Variants in MINAR1 observed in about 807,000 individuals in gnomAD.
The protein encoded by MINAR1 is membrane integral NOTCH2 associated receptor 1, also known as major intrinsically disordered Notch2-binding receptor 1.
A neutral mutation model predicts 65.1 loss-of-function variants in MINAR1; 40 were observed. The ratio of observed to expected loss-of-function variants is 0.61; its 90% CI spans 0.48 to 0.80. The LOEUF (loss-of-function observed/expected upper bound fraction) is 0.80. MINAR1 is among the 30% of genes least tolerant of loss of function. The pLI, the probability that MINAR1 is intolerant of heterozygous loss-of-function variation, is 0.00. For missense variants in MINAR1, 1,128 were observed against 1,148.0 expected, an observed-to-expected ratio of 0.98 and a Z score of 0.25; for synonymous variants, 482 against 449.1, an observed-to-expected ratio of 1.07 and a Z score of -0.93.
chr15:79,427,841 G>A (rs141791443), upstream of MINAR1, among the ~76,000 whole-genome samples: 79 of 152,282 alleles, frequency 5.2e-4, no homozygotes, highest in African/African-American at 1.8e-3. Context: ...GTGCTGTCCT[G>A]GCAGGTGACA....
In MINAR1 at chr15:79,468,294, C is replaced by G; in HGVS notation, c.2661C>G (p.Ala887=). 6.2e-7 allele frequency: 1 copy of G among 1,614,124 alleles called. No homozygotes were observed. The highest frequency in any genetic ancestry group is 1.1e-5 in the South Asian group (1 of 91,054). Residue 887 remains alanine (A), a synonymous_variant, in exon 4 of 4, where the codon GCC becomes GCG. Coordinates refer to ENST00000305428, the MANE Select transcript of MINAR1 (RefSeq NM_015206.3). ...GTAAAGAAGCCGAATTCAGACGAGC[C>G]AAGGTCTGCAAGATAGCTGCTCTGA... ...LKRKEAEFRR[A]KVCKIAALIA...
chr15:79,431,366 G>A (rs1894431367), upstream of MINAR1, among the ~76,000 whole-genome samples: 1 of 152,154 alleles, frequency 6.6e-6, no homozygotes, highest in Non-Finnish European at 1.5e-5. Context: ...GCCACCAGAG[G>A]CAGCTGCTGT....
intron 1 of MINAR1, among the ~76,000 whole-genome samples, chr15:79,444,490 AT>A (rs950248952): frequency 2.0e-5 from 3 of 151,764 alleles, no homozygotes; most frequent in Non-Finnish European, 4.4e-5. Flanking sequence ...TACTATACTG[AT>A]TTTTTTCCCA....
intron 1 of MINAR1, among the ~76,000 whole-genome samples, chr15:79,443,163 C>A (rs868142047): frequency 6.6e-6 from 1 of 152,210 alleles, no homozygotes; most frequent in East Asian, 1.9e-4. Context: ...ACAGAGGGAA[C>A]AAACGGGCTG....
intron 2 of MINAR1, among the ~76,000 whole-genome samples, chr15:79,462,274 A>G (rs1338395098): frequency 6.6e-6 from 1 of 152,162 alleles, no homozygotes; most frequent in Non-Finnish European, 1.5e-5. Flanking sequence ...CAAAGGCGCA[A>G]ATGCTGGCTG....
upstream of MINAR1, among the ~76,000 whole-genome samples, chr15:79,432,278 C>T (rs1469698542): frequency 6.6e-6 from 1 of 152,160 alleles, no homozygotes; most frequent in Non-Finnish European, 1.5e-5. Context: ...CGCGCTGGCC[C>T]TGGCCGGGAC....
chr15:79,448,223 A>G (rs998755647), intron 1 of MINAR1, among the ~76,000 whole-genome samples: 1 of 152,118 alleles, frequency 6.6e-6, no homozygotes, highest in Non-Finnish European at 1.5e-5. Context: ...CTTCATAATC[A>G]CTTGACTTCT....
chr15:79,457,008 A>G lies in MINAR1; in HGVS notation c.861A>G (p.Glu287=). 1 of 1,613,950 alleles carries G rather than the reference A, an allele frequency of 6.2e-7. No individual in the cohort carries two copies. Among genetic ancestry groups the G allele is most frequent in the Middle Eastern group, 1.6e-4 (1 of 6,062 alleles). The change falls in exon 2 of 4, where the codon GAA becomes GAG. Residue 287 remains glutamate (E), a synonymous_variant. Transcript: ENST00000305428. ...GCAAAGCAGAGAATGAGCACAGGGA[A>G]CCCCAGAGTCGAAAGGAACCCCACA... ...PISKAENEHR[E]PQSRKEPHKP...
intron 1 of MINAR1, among the ~76,000 whole-genome samples, chr15:79,439,695 C>A (rs1894814742): frequency 1.3e-5 from 2 of 151,806 alleles, no homozygotes; most frequent in African/African-American, 4.8e-5. Context: ...GTTGCCCCTG[C>A]AGGCATGGCC....
intron 1 of MINAR1, among the ~76,000 whole-genome samples, chr15:79,434,246 T>A (rs996373173): frequency 6.6e-6 from 1 of 152,238 alleles, no homozygotes; most frequent in African/African-American, 2.4e-5. Context: ...GTTTTGTTGT[T>A]GGTGTTATGT....
Position 79,457,254 on chromosome 15 carries a change from G to A in MINAR1, c.1107G>A (p.Trp369Ter). 2 of 1,614,174 alleles carry A rather than the reference G, an allele frequency of 1.2e-6. No homozygotes were observed. Among genetic ancestry groups the A allele is most frequent in the Non-Finnish European group, 8.5e-7 (1 of 1,180,042 alleles). The change falls in exon 2 of 4, where the codon TGG (tryptophan) becomes TGA (stop). Residue 369 changes from tryptophan (W) to a stop codon, truncating the protein, a stop_gained. Transcript: ENST00000305428. LOFTEE classifies it high-confidence loss of function. Reference protein sequence around the residue: ...NKQTPWPAKSWSLNTEEVPDF... With the variant: ...NKQTPWPAKS The stretch of plus-strand genomic sequence containing the variant: ...AGACTCCCTGGCCAGCCAAAAGCTG[G>A]AGCCTAAACACAGAGGAAGTTCCTG...
chr15:79,458,610 A>G (rs1179959993), intron 2 of MINAR1, among the ~76,000 whole-genome samples, 165 bp downstream of exon 2: 3 of 152,234 alleles, frequency 2.0e-5, no homozygotes, highest in East Asian at 1.9e-4. Context: ...AGAGGACAAC[A>G]TAGGCAGGTC....
rs3833675 is a variant in MINAR1, at chr15:79,472,023, AGT to A, written c.*3643_*3644del. On this transcript the variant is annotated 3_prime_UTR_variant, in exon 4 of 4. Transcript: ENST00000305428. ...CTTATTTATGCCTTATGAATAAAAG[AGT>A]GTGGAATGTAAGGTGAAATTTTATG... 1,665 of 152,738 alleles carry A rather than the reference AGT, an allele frequency of 0.011. 173 individuals carry two copies. The East Asian group carries it at 0.25, about 23-fold the overall frequency. The allele number at this position is 152,738 out of a possible 1,614,324, so 9.5% of individuals were successfully genotyped here.
chr15:79,411,808 G>A, the MINAR1 span: 1 of 309,342 alleles, frequency 3.2e-6, no homozygotes, highest in Admixed American at 4.0e-5. Flanking sequence ...GTTTGGTGTG[G>A]GAGCATTTGC....
rs1027775494 is a variant in MINAR1, at chr15:79,471,344, A to C, written c.*2960A>C. The stretch of plus-strand genomic sequence containing the variant: ...ATATCCTTAACCAATGATTAAATTC[A>C]TAATCATTTCATCTTCTTTCATAAT... On this transcript the variant is annotated 3_prime_UTR_variant, in exon 4 of 4. Coordinates refer to ENST00000305428, the MANE Select transcript of MINAR1 (RefSeq NM_015206.3). The C allele has an allele frequency of 2.0e-5, 3 of 152,650 alleles. No homozygotes were observed. The highest frequency in any genetic ancestry group is 7.2e-5 in the African/African-American group (3 of 41,444). The allele number at this position is 152,650 out of a possible 1,614,324, so 9.5% of individuals were successfully genotyped here. A position where few individuals can be genotyped will look rare whatever the true frequency, so the allele number is the denominator to read the frequency against.
Position 79,471,348 on chromosome 15 carries a change from T to C in MINAR1, c.*2964T>C, listed in dbSNP as rs1896071678. The stretch of plus-strand genomic sequence containing the variant: ...CCTTAACCAATGATTAAATTCATAA[T>C]CATTTCATCTTCTTTCATAATCATT... On this transcript the variant is annotated 3_prime_UTR_variant, in exon 4 of 4. Coordinates refer to ENST00000305428, the MANE Select transcript of MINAR1 (RefSeq NM_015206.3). 1 of 152,644 alleles carries C rather than the reference T, an allele frequency of 6.6e-6. No homozygotes were observed. The highest frequency in any genetic ancestry group is 2.4e-5 in the African/African-American group (1 of 41,446). The allele number at this position is 152,644 out of a possible 1,614,324, so 9.5% of individuals were successfully genotyped here.
At chr15:79,436,195 T>C (rs906014182) in intron 1 of MINAR1, among the ~76,000 whole-genome samples, 2 of 152,236 alleles carry the variant, frequency 1.3e-5, no homozygotes, top group Non-Finnish European at 2.9e-5. Flanking sequence ...GGATTATTTG[T>C]TGCTGCAGTG....
chr15:79,465,930 G>C (rs1567062842), intron 3 of MINAR1, among the ~76,000 whole-genome samples: 1 of 152,122 alleles, frequency 6.6e-6, no homozygotes, highest in Non-Finnish European at 1.5e-5. Context: ...CCTGTGGCAA[G>C]CAGAGCTTTG....
chr15:79,431,501 A>ATG (rs10551920), upstream of MINAR1, among the ~76,000 whole-genome samples: 29 of 133,656 alleles, frequency 2.2e-4, no homozygotes, highest in South Asian at 3.3e-3. Flanking sequence ...ATGAGTGAGT[A>ATG]TGTGTGTGTG....
Sources: gnomAD v4.1 joint callset for allele counts (sites outside exome capture counted in the v4.1 genomes callset) on GRCh38, gnomAD v4.1.1 for gene constraint, MANE v1.5 for transcripts, NCBI Gene and HGNC (gene_info 2026-07-23, HGNC 2026-07-21) for gene names.